The following DIP2C variants were observed in gnomAD, a reference collection of about 807,000 sequenced individuals.
DIP2C encodes disco-interacting protein 2 homolog C.
A neutral mutation model predicts 192.4 loss-of-function variants in DIP2C; 33 were observed. The ratio of observed to expected loss-of-function variants is 0.17; its 90% confidence interval spans 0.13 to 0.23. The LOEUF is 0.23. Ranked by LOEUF, DIP2C falls within the 10% of genes least tolerant of loss-of-function variation. The pLI is 1.00. For synonymous variants in DIP2C, 979 were observed against 864.1 expected (o/e 1.13, Z -2.33); for missense variants, 1,537 against 2,110.1 (o/e 0.73, Z 5.32).
At chr10:628,836 C>T (rs1854346831) in intron 1 of DIP2C, 1 of 152,346 alleles carries the variant, frequency 6.6e-6, no homozygotes, top group African/African-American at 2.4e-5. Flanking sequence ...GGGGACTATC[C>T]TGGACCTGGA....
At chr10:571,186 A>G (rs546311096) in intron 1 of DIP2C, among the ~76,000 whole-genome samples, 2 of 152,198 alleles carry the variant, frequency 1.3e-5, no homozygotes, top group East Asian at 2.0e-4. Flanking sequence ...CACAAAACAG[A>G]AAGAACCCAC....
intron 1 of DIP2C, among the ~76,000 whole-genome samples, chr10:531,194 G>T (rs1407423203): frequency 6.6e-6 from 1 of 152,138 alleles, no homozygotes; most frequent in Non-Finnish European, 1.5e-5. Flanking sequence ...CTCACTGCGT[G>T]TGTGCTGTGA....
At chr10:407,459 C>T (rs1258284865) in intron 9 of DIP2C, among the ~76,000 whole-genome samples, 2 of 152,218 alleles carry the variant, frequency 1.3e-5, no homozygotes, top group African/African-American at 4.8e-5. Flanking sequence ...CGAAGCAGAA[C>T]TGCTGGATCA....
chr10:442,378 G>C (rs1445220874), intron 3 of DIP2C, among the ~76,000 whole-genome samples: 2 of 152,000 alleles, frequency 1.3e-5, no homozygotes, highest in African/African-American at 2.4e-5. Context: ...ACTAGATAAA[G>C]AGCCTGGTTT....
chr10:424,998 GC>G (rs1262691343), intron 4 of DIP2C, among the ~76,000 whole-genome samples: 3 of 142,164 alleles, frequency 2.1e-5, no homozygotes, highest in African/African-American at 7.9e-5. Flanking sequence ...GGATGATACA[GC>G]ATGACCAGCG....
At position 413,969 on chromosome 10, in the gene DIP2C, G is replaced by A; in HGVS notation, c.1001C>T (p.Ala334Val). 2 of 1,614,212 alleles carry A rather than the reference G, an allele frequency of 1.2e-6. No individual in the cohort carries two copies. The highest frequency in any genetic ancestry group is 1.7e-6 in the Non-Finnish European group (2 of 1,180,040). The change falls in exon 8 of 37, where the codon GCG (alanine) becomes GTG (valine). Residue 334 changes from alanine (A) to valine (V), a missense_variant. Physicochemically the swap from Ala to Val is moderately conservative, Grantham distance 64 (BLOSUM62 0). This residue lies in a region of DIP2C where 473 missense variants were observed against 539.6 expected (regional missense o/e 0.88). Transcript: ENST00000280886. ...LQRWGTISPKAPCLTTMDTNG... is the reference protein window; with the variant it reads ...LQRWGTISPKVPCLTTMDTNG... ...GGTGTCCATGGTGGTCAGGCAGGGC[G>A]CCTTGGGCGAGATGGTGCCCCACCT...
At chr10:463,881 G>GC (rs1393910584) in intron 3 of DIP2C, among the ~76,000 whole-genome samples, 2 of 151,966 alleles carry the variant, frequency 1.3e-5, no homozygotes, top group African/African-American at 2.4e-5. Context: ...CTGACAAAAA[G>GC]CAAGCAATGG....
At chr10:319,205 G>A (rs1455943211) in intron 31 of DIP2C, among the ~76,000 whole-genome samples, 8 of 152,130 alleles carry the variant, frequency 5.3e-5, no homozygotes, top group Non-Finnish European at 1.2e-4. Flanking sequence ...GAGCCACCGC[G>A]CCTGGCTCAC....
chr10:683,731 C>T (rs1466868571), intron 1 of DIP2C, among the ~76,000 whole-genome samples: 1 of 152,202 alleles, frequency 6.6e-6, no homozygotes, highest in Non-Finnish European at 1.5e-5. Context: ...GCTGGTGACT[C>T]AGCCAATGTG....
intron 2 of DIP2C, chr10:485,068 C>G: frequency 7.8e-7 from 1 of 1,280,684 alleles, no homozygotes; most frequent in African/African-American, 1.5e-5. Flanking sequence ...AAGGGGACCA[C>G]AGGGCACGAC....
At chr10:389,172 C>T (rs1344921032) in intron 13 of DIP2C, among the ~76,000 whole-genome samples, 2 of 151,110 alleles carry the variant, frequency 1.3e-5, no homozygotes, top group South Asian at 2.1e-4. Context: ...CTCAAAGGGC[C>T]TCAGGGCATC....
intron 1 of DIP2C, among the ~76,000 whole-genome samples, chr10:658,741 A>G (rs1038518465): frequency 7.2e-5 from 11 of 152,244 alleles, no homozygotes; most frequent in African/African-American, 2.7e-4. Context: ...ATGCAATATA[A>G]CAGCTTTGCA....
At chr10:538,223 T>C (rs1174276957) in intron 1 of DIP2C, among the ~76,000 whole-genome samples, 1 of 152,242 alleles carries the variant, frequency 6.6e-6, no homozygotes, top group East Asian at 1.9e-4. Context: ...AGTGGCACAA[T>C]GATAGCTCAC....
At position 391,071 on chromosome 10, in the gene DIP2C, C is replaced by G. The variant is rs150645160; in HGVS notation, c.1261-208G>C. On this transcript the variant is annotated intron_variant, in intron 10 of 36. Transcript: ENST00000280886. The stretch of plus-strand genomic sequence containing the variant: ...ACGTGTAAAACAGGTATAGAAAGAA[C>G]AGCTGTCTCCCAGGTTTGTTGAGGG... Among the ~76,000 whole-genome samples the G allele has an allele frequency of 5.6e-4, 85 of 152,306 alleles. 1 individual carries two copies. The East Asian group carries it at 8.7e-3, about 16-fold the overall frequency.
intron 12 of DIP2C, 53 bp downstream of exon 12, chr10:390,211 G>A (rs1011730583): frequency 9.4e-6 from 15 of 1,596,960 alleles, no homozygotes; most frequent in South Asian, 2.2e-5. Flanking sequence ...AGAAACACAC[G>A]TTAGTGCCAA....
At chr10:478,827 G>T (rs1042203178) in intron 2 of DIP2C, among the ~76,000 whole-genome samples, 1 of 151,932 alleles carries the variant, frequency 6.6e-6, no homozygotes, top group Non-Finnish European at 1.5e-5. Context: ...TCGCGTGTCC[G>T]GGCGTGCTGG....
At chr10:494,563 C>A (rs894048436) in intron 1 of DIP2C, among the ~76,000 whole-genome samples, 22 of 152,290 alleles carry the variant, frequency 1.4e-4, no homozygotes, top group African/African-American at 5.3e-4. Flanking sequence ...AGAGGCTGCT[C>A]AACCAGTCAA....
chr10:438,146 T>C (rs1967421652), intron 4 of DIP2C, among the ~76,000 whole-genome samples: 2 of 152,254 alleles, frequency 1.3e-5, no homozygotes, highest in African/African-American at 2.4e-5. Context: ...AAAATAACAT[T>C]TCAAATATTC....
At chr10:662,985 T>C (rs757415666) in intron 1 of DIP2C, 3 of 715,152 alleles carry the variant, frequency 4.2e-6, no homozygotes, top group South Asian at 1.5e-5. Context: ...ATTGGTTTTA[T>C]CTGAACGTCA....
Sources: gnomAD v4.1 joint callset for allele counts (sites outside exome capture counted in the v4.1 genomes callset) on GRCh38, gnomAD v4.1.1 for gene constraint, gnomAD v4.1.1 regional missense constraint, MANE v1.5 for transcripts, NCBI Gene and HGNC (gene_info 2026-07-23, HGNC 2026-07-21) for gene names.